The following ZFTRAF1 variants were observed in gnomAD, a reference collection of about 807,000 sequenced individuals.
ZFTRAF1 encodes the protein zinc finger TRAF-type-containing protein 1.
At chr8:144,461,268 C>T in the ZFTRAF1 span, among the ~76,000 whole-genome samples, 1 of 152,234 alleles carries the variant, frequency 6.6e-6, no homozygotes, top group Admixed American at 6.5e-5. Flanking sequence ...GCCCCATTAG[C>T]TACTTCCAGC....
chr8:144,459,081 G>A, the ZFTRAF1 span, among the ~76,000 whole-genome samples: 9 of 152,366 alleles, frequency 5.9e-5, no homozygotes, highest in East Asian at 1.9e-4. Context: ...ACTGGGCCTC[G>A]TCTGAAGGGC....
the ZFTRAF1 span, among the ~76,000 whole-genome samples, chr8:144,461,443 C>T: frequency 6.6e-6 from 1 of 152,184 alleles, no homozygotes; most frequent in East Asian, 1.9e-4. Flanking sequence ...CATGTCAAAC[C>T]CACCTGGGCC....
the ZFTRAF1 span, chr8:144,462,247 G>A: frequency 1.4e-4 from 72 of 519,188 alleles, 1 homozygote; most frequent in Admixed American, 5.7e-4. Flanking sequence ...CTGCAGCCCC[G>A]GGCTGGGCCG....
At chr8:144,452,574 G>T in the ZFTRAF1 span, 1 of 1,535,810 alleles carries the variant, frequency 6.5e-7, no homozygotes, top group South Asian at 1.2e-5. Flanking sequence ...GGTTACCCTG[G>T]GGGAGGCAGG....
chr8:144,450,673 C>T, the ZFTRAF1 span: 1 of 717,876 alleles, frequency 1.4e-6, no homozygotes, highest in East Asian at 2.7e-5. Flanking sequence ...TGACTCGAGC[C>T]TTCAGGACCC....
At chr8:144,456,117 G>C in the ZFTRAF1 span, 1 of 152,366 alleles carries the variant, frequency 6.6e-6, no homozygotes, top group Non-Finnish European at 1.5e-5. Context: ...TCAGAACACA[G>C]GGAGTCCCTA....
At chr8:144,454,635 A>G in the ZFTRAF1 span, 1 of 152,300 alleles carries the variant, frequency 6.6e-6, no homozygotes. Flanking sequence ...CCTCTTGAGA[A>G]TGGGATGTGG....
chr8:144,462,231 C>T, the ZFTRAF1 span: 2 of 480,760 alleles, frequency 4.2e-6, no homozygotes, highest in Non-Finnish European at 3.6e-6. Context: ...GGCCCCGCGG[C>T]GGGGGCTGCA....
chr8:144,453,312 A>G, the ZFTRAF1 span: 1 of 1,551,186 alleles, frequency 6.4e-7, no homozygotes. Flanking sequence ...CAGCTCGCTC[A>G]CGGCTTTCTC....
the ZFTRAF1 span, chr8:144,462,469 C>A: frequency 4.8e-6 from 1 of 209,660 alleles, no homozygotes; most frequent in African/African-American, 2.4e-5. Flanking sequence ...GCTGTAGCTG[C>A]CGGGCGCCCG....
chr8:144,461,561 G>T, the ZFTRAF1 span, among the ~76,000 whole-genome samples: 1 of 152,312 alleles, frequency 6.6e-6, no homozygotes, highest in Admixed American at 6.5e-5. Flanking sequence ...GGCTGCCTAG[G>T]AAGCCTGGCC....
the ZFTRAF1 span, among the ~76,000 whole-genome samples, chr8:144,461,773 A>G: frequency 6.6e-6 from 1 of 152,118 alleles, no homozygotes; most frequent in Non-Finnish European, 1.5e-5. Context: ...TCCACCCAGG[A>G]GGGTAGAAAA....
chr8:144,450,286 A>G, the ZFTRAF1 span: 4 of 645,506 alleles, frequency 6.2e-6, no homozygotes, highest in Non-Finnish European at 1.1e-5. Flanking sequence ...TAAAGTGATC[A>G]GATAGTCCTG....
the ZFTRAF1 span, chr8:144,452,318 C>T: frequency 6.5e-7 from 1 of 1,541,558 alleles, no homozygotes; most frequent in African/African-American, 1.4e-5. Flanking sequence ...GCCCCCCAAC[C>T]CACACCTGTG....
chr8:144,459,239 G>A, the ZFTRAF1 span, among the ~76,000 whole-genome samples: 1 of 152,240 alleles, frequency 6.6e-6, no homozygotes, highest in Non-Finnish European at 1.5e-5. Context: ...GGAGCCGGCA[G>A]GAACGACCTG....
At chr8:144,451,947 C>T in the ZFTRAF1 span, 215 of 286,244 alleles carry the variant, frequency 7.5e-4, no homozygotes, top group Non-Finnish European at 8.3e-4. Flanking sequence ...GGACCTCACT[C>T]GGCAGGGTGC....
chr8:144,456,228 G>C, the ZFTRAF1 span: 1 of 152,442 alleles, frequency 6.6e-6, no homozygotes, highest in Non-Finnish European at 1.5e-5. Flanking sequence ...TGCATGGCCC[G>C]GTCCCGACCA....
At chr8:144,449,647 C>G in the ZFTRAF1 span, 1 of 152,336 alleles carries the variant, frequency 6.6e-6, no homozygotes, top group African/African-American at 2.4e-5. Context: ...CAATTTCACC[C>G]TGCTTTCGGA....
chr8:144,457,168 A>AGGGGAATGATGTCATG, the ZFTRAF1 span: 2 of 150,910 alleles, frequency 1.3e-5, no homozygotes, highest in African/African-American at 4.9e-5. Context: ...ATGACATCAC[A>AGGGGAATGATGTCATG]GGGGAATGAT....
Sources: allele counts gnomAD v4.1 joint callset (sites outside exome capture counted in the v4.1 genomes callset), GRCh38; gene constraint gnomAD v4.1.1; transcripts MANE v1.5; gene names NCBI Gene and HGNC (gene_info 2026-07-23, HGNC 2026-07-21).